GFRA1: variants seen among roughly 807,000 people sequenced by gnomAD.
The protein encoded by GFRA1 is GDNF family receptor alpha 1.
In GFRA1, 16 loss-of-function variants were observed where a neutral mutation model predicts 51.6. The ratio of observed to expected loss-of-function variants is 0.31; its 90% CI spans 0.21 to 0.47. The LOEUF is 0.47. Ranked by LOEUF, GFRA1 falls within the 20% of genes least tolerant of loss-of-function variation. GFRA1 has a pLI of 1.00. For missense variants in GFRA1, 530 were observed against 594.3 expected, an observed-to-expected ratio of 0.89 and a Z score of 1.13; for synonymous variants, 270 against 241.3, an observed-to-expected ratio of 1.12 and a Z score of -1.10.
chr10:116,250,193 C>CT (rs1202656615), intron 4 of GFRA1, among the ~76,000 whole-genome samples: 1 of 152,146 alleles, frequency 6.6e-6, no homozygotes, highest in African/African-American at 2.4e-5. Flanking sequence ...GGACTTGATT[C>CT]TTTAAGAATT....
At chr10:116,245,267 G>A (rs1013572607) in intron 4 of GFRA1, among the ~76,000 whole-genome samples, 1 of 152,124 alleles carries the variant, frequency 6.6e-6, no homozygotes, top group African/African-American at 2.4e-5. Context: ...TAAGAGATCT[G>A]AACAGACATC....
chr10:116,116,173 C>A (rs1589800940), intron 6 of GFRA1, among the ~76,000 whole-genome samples: 2 of 152,308 alleles, frequency 1.3e-5, no homozygotes, highest in African/African-American at 4.8e-5. Flanking sequence ...CCACTCACTG[C>A]AGCCTCCACC....
chr10:116,148,535 G>T (rs1565611077), intron 5 of GFRA1, among the ~76,000 whole-genome samples: 1 of 152,108 alleles, frequency 6.6e-6, no homozygotes. Flanking sequence ...ATGATTAAAT[G>T]AGATAATATA....
chr10:116,268,581 A>G (rs953943483), intron 4 of GFRA1, among the ~76,000 whole-genome samples: 1 of 150,386 alleles, frequency 6.6e-6, no homozygotes, highest in East Asian at 2.0e-4. Context: ...GCTTTTCTGC[A>G]AAAAAACACA....
At chr10:116,196,560 CTATATATAATATATATAATATATAGTA>C (rs1963784832) in intron 5 of GFRA1, among the ~76,000 whole-genome samples, 1 of 88,444 alleles carries the variant, frequency 1.1e-5, no homozygotes, top group Non-Finnish European at 2.2e-5. Flanking sequence ...TTTATATATA[CTATATATAATATATATAATATATAGTA>C]CTATATATAA....
intron 9 of GFRA1, among the ~76,000 whole-genome samples, chr10:116,086,500 G>T (rs542070088): frequency 6.6e-6 from 1 of 152,326 alleles, no homozygotes; most frequent in African/African-American, 2.4e-5. Flanking sequence ...CCACCATACT[G>T]GTGAGGACAA....
Position 116,174,242 on chromosome 10 carries a change from TATATAAATTTGCC to T in GFRA1, c.433+37376_433+37388del, listed in dbSNP as rs567583539. The stretch of plus-strand genomic sequence containing the variant: ...ATATGATTCCAGTATATTTTTGGTC[TATATAAATTTGCC>T]ATGTAACCAAGTAACACTTTTCAGC... On this transcript the variant is annotated intron_variant, in intron 5 of 10. Coordinates refer to ENST00000355422, the MANE Select transcript of GFRA1 (RefSeq NM_005264.8). 8.5e-5 allele frequency among the ~76,000 whole-genome samples: 13 copies of T among 152,322 alleles called. No individual in the cohort carries two copies. The East Asian group carries it at 2.1e-3, about 25-fold the overall frequency.
At chr10:116,259,644 A>G (rs1350843071) in intron 4 of GFRA1, among the ~76,000 whole-genome samples, 2 of 152,142 alleles carry the variant, frequency 1.3e-5, no homozygotes, top group African/African-American at 4.8e-5. Context: ...GAACAAGGAG[A>G]AAGCTGGGAA....
chr10:116,174,968 C>T (rs531078220), intron 5 of GFRA1, among the ~76,000 whole-genome samples: 1 of 152,304 alleles, frequency 6.6e-6, no homozygotes, highest in East Asian at 1.9e-4. Context: ...CGGATCCTGC[C>T]TGCAAATGCG....
At chr10:116,097,545 G>A (rs374334028) in intron 6 of GFRA1, among the ~76,000 whole-genome samples, 7 of 152,206 alleles carry the variant, frequency 4.6e-5, no homozygotes, top group East Asian at 1.9e-4. Context: ...CCGCAGACAC[G>A]CTGGTCTGCG....
rs761588879 is a variant in GFRA1 at position 116,270,858 on chromosome 10, G to A, written c.298C>T (p.Leu100=). ...KRGMKKEKNC[L]RIYWSMYQSL... is the part of the protein sequence containing the mutation. ...TGGTACATGCTCCAGTAAATGCGCA[G>A]GCAGTTCTTCTCCTTCTTCATACCC... is the stretch of plus-strand genomic sequence containing the variant. The change falls in exon 3 of 11, where the codon CTG becomes TTG. Residue 100 remains leucine (L), a synonymous_variant. Transcript: ENST00000355422. The A allele has an allele frequency of 1.9e-6, 3 of 1,613,856 alleles. No homozygotes were observed. The highest frequency in any genetic ancestry group is 1.1e-5 in the South Asian group (1 of 91,088).
chr10:116,244,214 G>C (rs1311819356), intron 4 of GFRA1, among the ~76,000 whole-genome samples: 1 of 151,538 alleles, frequency 6.6e-6, no homozygotes, highest in East Asian at 1.9e-4. Context: ...ATTTATTACA[G>C]ATCAATCTGA....
intron 5 of GFRA1, among the ~76,000 whole-genome samples, chr10:116,135,844 T>A (rs1958300836): frequency 1.3e-5 from 2 of 152,104 alleles, no homozygotes; most frequent in African/African-American, 4.8e-5. Flanking sequence ...ATAGTCAGTC[T>A]AAGACAGGCC....
intron 5 of GFRA1, among the ~76,000 whole-genome samples, chr10:116,157,888 G>A (rs1959315233): frequency 6.6e-6 from 1 of 152,200 alleles, no homozygotes; most frequent in Admixed American, 6.5e-5. Context: ...AGCTGGTGAT[G>A]GGGTGAGAGA....
At chr10:116,227,769 T>C (rs1966401494) in intron 4 of GFRA1, among the ~76,000 whole-genome samples, 1 of 152,200 alleles carries the variant, frequency 6.6e-6, no homozygotes, top group Non-Finnish European at 1.5e-5. Context: ...TAATTCCATC[T>C]CCTGTCATGT....
chr10:116,078,152 G>A (rs1589768136), intron 9 of GFRA1, among the ~76,000 whole-genome samples: 2 of 152,064 alleles, frequency 1.3e-5, no homozygotes, highest in Admixed American at 6.6e-5. Context: ...ATTTCCAATC[G>A]AGTTGAATAC....
At chr10:116,179,740 A>G (rs1962022694) in intron 5 of GFRA1, among the ~76,000 whole-genome samples, 1 of 152,190 alleles carries the variant, frequency 6.6e-6, no homozygotes, top group Admixed American at 6.5e-5. Flanking sequence ...CAAAGACAGC[A>G]CTAGGAAAAC....
At chr10:116,121,983 A>C (rs1957664946) in intron 6 of GFRA1, among the ~76,000 whole-genome samples, 2 of 152,170 alleles carry the variant, frequency 1.3e-5, no homozygotes, top group Non-Finnish European at 2.9e-5. Context: ...CTAGCAGCTC[A>C]AATTATATTT....
intron 2 of GFRA1, among the ~76,000 whole-genome samples, chr10:116,271,327 G>A (rs1589929875): frequency 6.6e-6 from 1 of 152,106 alleles, no homozygotes. Context: ...GGCCCGCAAG[G>A]AAGAGTGGCG....
Sources: gnomAD v4.1 joint callset for allele counts (sites outside exome capture counted in the v4.1 genomes callset) on GRCh38, gnomAD v4.1.1 for gene constraint, MANE v1.5 for transcripts, NCBI Gene and HGNC (gene_info 2026-07-23, HGNC 2026-07-21) for gene names.